PXDNL: variants seen among roughly 807,000 people sequenced by gnomAD.
PXDNL encodes the protein probable oxidoreductase PXDNL.
Under a neutral mutation model 150.8 loss-of-function variants are expected in PXDNL, and 145 were observed. The observed-to-expected ratio is 0.96, with a 90% CI of 0.84 to 1.10. The LOEUF (loss-of-function observed/expected upper bound fraction) is 1.10. PXDNL is among the 50% of genes least tolerant of loss of function. The pLI is 0.00. For missense variants in PXDNL, 2,087 were observed against 1,873.9 expected (o/e 1.11, Z -2.10); for synonymous variants, 757 against 725.7 (o/e 1.04, Z -0.69).
intron 5 of PXDNL, among the ~76,000 whole-genome samples, chr8:51,490,599 A>G (rs978458172): frequency 4.7e-5 from 7 of 150,488 alleles, no homozygotes; most frequent in African/African-American, 1.7e-4. Context: ...ATATATATAT[A>G]TTTAGTGGAC....
chr8:51,463,009 G>A (rs1160950956), intron 8 of PXDNL, among the ~76,000 whole-genome samples: 1 of 152,120 alleles, frequency 6.6e-6, no homozygotes, highest in Non-Finnish European at 1.5e-5. Flanking sequence ...TTCCAACCAA[G>A]AATTTCATAT....
At chr8:51,791,754 G>C (rs2037515451) in intron 1 of PXDNL, among the ~76,000 whole-genome samples, 1 of 152,180 alleles carries the variant, frequency 6.6e-6, no homozygotes, top group Non-Finnish European at 1.5e-5. Flanking sequence ...TGCTTTACCA[G>C]ATAGTGGCAA....
At chr8:51,731,541 A>C (rs532330320) in intron 1 of PXDNL, among the ~76,000 whole-genome samples, 1 of 152,210 alleles carries the variant, frequency 6.6e-6, no homozygotes, top group Non-Finnish European at 1.5e-5. Context: ...GGTCCGGAGG[A>C]CGGTGGCCCT....
chr8:51,371,972 G>C lies in PXDNL; in HGVS notation c.3802C>G (p.Gln1268Glu), dbSNP rs754910349. ...TCTGCCTTTACAAAGACATCAGCCT[G>C]CACTTGCTGAATGCTGTCACCATTG... ...CDNGDSIQQV[Q>E]ADVFVKAEYP... The change falls in exon 19 of 23, where the codon CAG becomes GAG. Residue 1268 changes from glutamine to glutamate, a missense_variant. Transcript: ENST00000356297. 6.8e-6 allele frequency: 11 copies of C among 1,613,692 alleles called. No individual in the cohort carries two copies. The highest frequency in any genetic ancestry group is 1.7e-5 in the Admixed American group (1 of 59,990).
At position 51,432,978 on chromosome 8, in the gene PXDNL, C is replaced by T. The variant is rs904360081; in HGVS notation, c.1526-6220G>A. ...ATCCCAGCACTTTGGGAGGCCAAGG[C>T]GGGTGGGGAACACTTGAGCCCAGGA... On this transcript the variant is annotated intron_variant, in intron 12 of 22. Transcript: ENST00000356297. Among the ~76,000 whole-genome samples the T allele has an allele frequency of 4.6e-5, 7 of 152,116 alleles. No individual in the cohort carries two copies. The East Asian group carries it at 7.8e-4, about 17-fold the overall frequency.
intron 21 of PXDNL, among the ~76,000 whole-genome samples, chr8:51,334,667 A>G (rs542525687): frequency 6.6e-6 from 1 of 152,336 alleles, no homozygotes; most frequent in Non-Finnish European, 1.5e-5. Flanking sequence ...AATGCAAAAG[A>G]TCATTCAAGG....
At chr8:51,560,126 A>C (rs1256019427) in intron 3 of PXDNL, among the ~76,000 whole-genome samples, 1 of 151,892 alleles carries the variant, frequency 6.6e-6, no homozygotes, top group Non-Finnish European at 1.5e-5. Flanking sequence ...AGACTTCTAC[A>C]CTGAAAGATA....
intron 4 of PXDNL, among the ~76,000 whole-genome samples, chr8:51,532,991 G>T (rs1361669140): frequency 7.0e-6 from 1 of 141,950 alleles, no homozygotes; most frequent in Admixed American, 7.4e-5. Flanking sequence ...AGGAAAAAAA[G>T]GAAAAGAAAA....
At chr8:51,668,176 C>CTCTTTTTTTTTTTTTTT (rs1554564343) in intron 1 of PXDNL, among the ~76,000 whole-genome samples, 1 of 77,386 alleles carries the variant, frequency 1.3e-5, no homozygotes, top group African/African-American at 5.4e-5. Context: ...CTCGCTCTCT[C>CTCTTTTTTTTTTTTTTT]TTTTTTTTTT....
At chr8:51,592,529 A>C (rs1197639527) in intron 3 of PXDNL, 98 bp downstream of exon 3, 2 of 725,824 alleles carry the variant, frequency 2.8e-6, no homozygotes, top group African/African-American at 1.8e-5. Flanking sequence ...CTTTTCACGA[A>C]GGTAAAGAAT....
chr8:51,620,158 AAATG>A (rs1376389629), intron 2 of PXDNL, among the ~76,000 whole-genome samples: 1 of 152,228 alleles, frequency 6.6e-6, no homozygotes, highest in Non-Finnish European at 1.5e-5. Flanking sequence ...GTTTTGAACA[AAATG>A]AAGGTGTTGT....
chr8:51,609,457 A>T (rs1813949071), intron 2 of PXDNL, among the ~76,000 whole-genome samples: 1 of 152,202 alleles, frequency 6.6e-6, no homozygotes, highest in African/African-American at 2.4e-5. Context: ...TTGGGGCCAC[A>T]TAATTCCATG....
At chr8:51,538,735 C>G (rs1421329733) in intron 4 of PXDNL, among the ~76,000 whole-genome samples, 4 of 152,150 alleles carry the variant, frequency 2.6e-5, no homozygotes, top group Non-Finnish European at 4.4e-5. Flanking sequence ...CAGTACACTA[C>G]AGTCTGGGCA....
At chr8:51,534,092 C>G (rs1195596949) in intron 4 of PXDNL, among the ~76,000 whole-genome samples, 1 of 144,326 alleles carries the variant, frequency 6.9e-6, no homozygotes, top group East Asian at 2.1e-4. Flanking sequence ...GTGTCTCTGC[C>G]CGGCCGCCCA....
At chr8:51,700,388 CA>C (rs1218755327) in intron 1 of PXDNL, among the ~76,000 whole-genome samples, 1 of 151,230 alleles carries the variant, frequency 6.6e-6, no homozygotes, top group Non-Finnish European at 1.5e-5. Flanking sequence ...GACACATACA[CA>C]CAGAGATATA....
intron 1 of PXDNL, among the ~76,000 whole-genome samples, chr8:51,711,122 A>ATTACGCCAAAAACTG (rs367606205): frequency 0.048 from 7,258 of 152,256 alleles, 537 homozygotes; most frequent in African/African-American, 0.16. Context: ...AAAACTAGCA[A>ATTACGCCAAAAACTG]TTAAAACTTT....
At chr8:51,410,913 TGGA>T (rs1421286439) in intron 16 of PXDNL, among the ~76,000 whole-genome samples, 1 of 152,196 alleles carries the variant, frequency 6.6e-6, no homozygotes, top group East Asian at 1.9e-4. Flanking sequence ...AAAGGATAAG[TGGA>T]AGAATATCCC....
chr8:51,409,640 G>C, intron 16 of PXDNL, 79 bp from the exon 17 acceptor site: 1 of 1,253,574 alleles, frequency 8.0e-7, no homozygotes, highest in South Asian at 1.6e-5. Flanking sequence ...GATGCTGCGG[G>C]AACCACCTCC....
intron 1 of PXDNL, among the ~76,000 whole-genome samples, chr8:51,702,917 A>G (rs2976204): frequency 0.85 from 129,039 of 152,168 alleles, 55,102 homozygotes; most frequent in African/African-American, 0.95. Flanking sequence ...TTGGCCACAA[A>G]GAGGGATTCT....
Sources: gnomAD v4.1 joint callset for allele counts (sites outside exome capture counted in the v4.1 genomes callset) on GRCh38, gnomAD v4.1.1 for gene constraint, MANE v1.5 for transcripts, NCBI Gene and HGNC (gene_info 2026-07-23, HGNC 2026-07-21) for gene names.